Variants in CFAP20DC observed in about 807,000 individuals in gnomAD.
The protein encoded by CFAP20DC is protein CFAP20DC.
Under a neutral mutation model 101.7 loss-of-function variants are expected in CFAP20DC, and 84 were observed. The ratio of observed to expected loss-of-function variants is 0.83; its 90% CI spans 0.69 to 0.99. The LOEUF (loss-of-function observed/expected upper bound fraction) is 0.99. CFAP20DC is among the 50% of genes least tolerant of loss of function. The pLI is 0.00. For synonymous variants in CFAP20DC, 359 were observed against 351.2 expected (o/e 1.02, Z -0.25); for missense variants, 1,007 against 970.3 (o/e 1.04, Z -0.50).
In CFAP20DC at chr3:59,019,341, C is replaced by G. The variant is rs183719043; in HGVS notation, c.278+20216G>C. 9.9e-5 allele frequency among the ~76,000 whole-genome samples: 15 copies of G among 152,136 alleles called. No homozygotes were observed. In the East Asian group the frequency reaches 2.9e-3, roughly 29 times the overall value. On this transcript the variant is annotated intron_variant, in intron 4 of 16. Transcript: ENST00000482387. ...CATACAACCAGACTACATTTCCTAG[C>G]CCGCAATGCTGTTACAGGTGACGCA...
intron 6 of CFAP20DC, among the ~76,000 whole-genome samples, chr3:58,905,197 T>C (rs1025088787): frequency 6.6e-6 from 1 of 152,160 alleles, no homozygotes; most frequent in Non-Finnish European, 1.5e-5. Flanking sequence ...GTGTATCATA[T>C]CTTGCTTCAT....
At chr3:58,998,219 C>A (rs2093199231) in intron 4 of CFAP20DC, among the ~76,000 whole-genome samples, 1 of 152,068 alleles carries the variant, frequency 6.6e-6, no homozygotes, top group Non-Finnish European at 1.5e-5. Flanking sequence ...TAGGAGGGAC[C>A]CTCTCAATAC....
At chr3:58,775,693 T>C (rs1402053668) in intron 15 of CFAP20DC, among the ~76,000 whole-genome samples, 5 of 151,920 alleles carry the variant, frequency 3.3e-5, no homozygotes, top group African/African-American at 1.2e-4. Flanking sequence ...TTATATATTA[T>C]GGCAACTATA....
chr3:58,858,702 A>G (rs1223432052), intron 12 of CFAP20DC, among the ~76,000 whole-genome samples: 2 of 152,236 alleles, frequency 1.3e-5, no homozygotes, highest in South Asian at 2.1e-4. Flanking sequence ...ACACATCTGC[A>G]ATATTCAAAA....
intron 4 of CFAP20DC, among the ~76,000 whole-genome samples, chr3:58,997,101 T>C (rs2093160571): frequency 6.6e-6 from 1 of 152,254 alleles, no homozygotes; most frequent in Non-Finnish European, 1.5e-5. Flanking sequence ...TAAATTTTCA[T>C]GTCCCTGGGA....
intron 12 of CFAP20DC, among the ~76,000 whole-genome samples, chr3:58,858,638 T>C (rs895835069): frequency 6.6e-6 from 1 of 152,184 alleles, no homozygotes; most frequent in Non-Finnish European, 1.5e-5. Context: ...AGTTTTAAAT[T>C]CAATCCACCA....
intron 15 of CFAP20DC, among the ~76,000 whole-genome samples, chr3:58,760,385 G>A (rs1157094309): frequency 1.3e-5 from 2 of 152,182 alleles, no homozygotes; most frequent in Admixed American, 1.3e-4. Flanking sequence ...CATCGATTTT[G>A]TATCCTGAGA....
rs898225675 is a variant in CFAP20DC at position 58,952,687 on chromosome 3, TA to T, written c.279-14926del. 4.6e-3 allele frequency among the ~76,000 whole-genome samples: 691 copies of T among 149,224 alleles called. 4 individuals are homozygous for T. Among genetic ancestry groups the T allele is most frequent in the African/African-American group, 0.016 (670 of 40,764 alleles). Reference sequence around the variant, plus strand: ...TATTCTGCTCCAGTGAGTCTTGATTTAAAAAAAAAAGTGTGGGCGTCAGGCT... The same window carrying T: ...TATTCTGCTCCAGTGAGTCTTGATTTAAAAAAAAAGTGTGGGCGTCAGGCT... On this transcript the variant is annotated intron_variant, in intron 4 of 16. Transcript: ENST00000482387.
chr3:59,010,800 T>C (rs1356977619), intron 4 of CFAP20DC, among the ~76,000 whole-genome samples: 2 of 152,096 alleles, frequency 1.3e-5, no homozygotes, highest in East Asian at 3.9e-4. Flanking sequence ...AGAAACACCA[T>C]ATAATAGGCC....
chr3:59,003,171 A>G (rs2093353637), intron 4 of CFAP20DC, among the ~76,000 whole-genome samples: 2 of 152,210 alleles, frequency 1.3e-5, no homozygotes, highest in Admixed American at 1.3e-4. Flanking sequence ...ATCTGAAGGT[A>G]GATATTTGTT....
At position 58,725,184 on chromosome 3, in the gene CFAP20DC, A is replaced by C. The variant is rs527442943; in HGVS notation, c.198-7556T>G. On this transcript the variant is annotated intron_variant, in intron 3 of 3. Coordinates refer to the CFAP20DC transcript ENST00000486145. ...TCTTTCTACCATGTCCTTTATGTGCAAGGAAGGCAGATCAGTGAAAGTTCC... is the reference window on the plus strand; with the variant it reads ...TCTTTCTACCATGTCCTTTATGTGCCAGGAAGGCAGATCAGTGAAAGTTCC... 4.6e-5 allele frequency among the ~76,000 whole-genome samples: 7 copies of C among 152,284 alleles called. No homozygotes were observed. In the South Asian group the frequency reaches 1.5e-3, roughly 32 times the overall value.
rs2093444873 is a variant in CFAP20DC, at chr3:59,006,813, A to C, written c.278+32744T>G. ...TTTCAACTGGACACAAGCTTTCTTG[A>C]TCAGAATCTGGGTGGGGAGCAAATG... On this transcript the variant is annotated intron_variant, in intron 4 of 16. Transcript: ENST00000482387. The surrounding 1 kb of genome is among the most constrained non-coding windows in gnomAD (Gnocchi z 4.3). Among the ~76,000 whole-genome samples, 1 of 152,154 alleles carries C rather than the reference A, an allele frequency of 6.6e-6. No homozygotes were observed. Among genetic ancestry groups the C allele is most frequent in the Non-Finnish European group, 1.5e-5 (1 of 68,020 alleles).
Position 58,788,144 on chromosome 3 carries a change from TAAA to T in CFAP20DC, c.2237+18248_2237+18250del, listed in dbSNP as rs542429709. Among the ~76,000 whole-genome samples the T allele has an allele frequency of 7.2e-6, 1 of 138,716 alleles. No homozygotes were observed. Among genetic ancestry groups the T allele is most frequent in the Non-Finnish European group, 1.6e-5 (1 of 63,564 alleles). The allele number at this position is 138,716 out of a possible 152,430, so 91.0% of individuals were successfully genotyped here. A position where few individuals can be genotyped will look rare whatever the true frequency, so the allele number is the denominator to read the frequency against. On this transcript the variant is annotated intron_variant, in intron 15 of 16. Coordinates refer to ENST00000482387, the MANE Select transcript of CFAP20DC (RefSeq NM_001394063.1). The surrounding 1 kb of genome is among the most constrained non-coding windows in gnomAD (Gnocchi z 4.2). ...TTGTCCCAGAACTTAAAGTACAATTTAAAAAAAAAAAAGAGGAAGAAAACACTA... is the reference window on the plus strand; with the variant it reads ...TTGTCCCAGAACTTAAAGTACAATTTAAAAAAAAAGAGGAAGAAAACACTA...
At position 58,874,543 on chromosome 3, in the gene CFAP20DC, GT is replaced by G. The variant is rs1357385696; in HGVS notation, c.716-4235del. Among the ~76,000 whole-genome samples, 1 of 151,984 alleles carries G rather than the reference GT, an allele frequency of 6.6e-6. No homozygotes were observed. Among genetic ancestry groups the G allele is most frequent in the African/African-American group, 2.4e-5 (1 of 41,382 alleles). On this transcript the variant is annotated intron_variant, in intron 7 of 16. Coordinates refer to ENST00000482387, the MANE Select transcript of CFAP20DC (RefSeq NM_001394063.1). This position sits in a 1 kb window ranked among gnomAD's most constrained non-coding sequence, Gnocchi z 5.1. ...CATGTCTGAGTATCTTACACCTCTC[GT>G]TTTCTGCCCTCTCGGTAGACGGGCC...
chr3:58,925,837 G>A (rs961301526), intron 5 of CFAP20DC, among the ~76,000 whole-genome samples: 11 of 152,294 alleles, frequency 7.2e-5, no homozygotes, highest in Admixed American at 6.5e-4. Context: ...TAGCTCCAGA[G>A]GTCACATGTT....
intron 4 of CFAP20DC, among the ~76,000 whole-genome samples, chr3:59,022,407 C>A (rs2093819206): frequency 6.6e-6 from 1 of 151,970 alleles, no homozygotes; most frequent in Admixed American, 6.6e-5. Flanking sequence ...GAGAATTGAG[C>A]TGCCAAAGCT....
chr3:58,992,215 T>C (rs2092962502), intron 4 of CFAP20DC, among the ~76,000 whole-genome samples: 1 of 152,332 alleles, frequency 6.6e-6, no homozygotes, highest in Admixed American at 6.5e-5. Flanking sequence ...ATCACTAATT[T>C]ACCCAGTGCG....
Position 58,763,325 on chromosome 3 carries a change from C to G in CFAP20DC, c.2238-9462G>C, listed in dbSNP as rs185136359. Among the ~76,000 whole-genome samples the G allele has an allele frequency of 6.6e-5, 10 of 152,282 alleles. No homozygotes were observed. In the East Asian group the frequency reaches 1.9e-3, roughly 29 times the overall value. On this transcript the variant is annotated intron_variant, in intron 15 of 16. Coordinates refer to ENST00000482387, the MANE Select transcript of CFAP20DC (RefSeq NM_001394063.1). ...ACTGACACCCTTTCTTCCAGTTGATCGAATCGGCTACTGAGGCTTGTGTAT... is the reference window on the plus strand; with the variant it reads ...ACTGACACCCTTTCTTCCAGTTGATGGAATCGGCTACTGAGGCTTGTGTAT...
chr3:58,976,267 G>A (rs2092270271), intron 4 of CFAP20DC, among the ~76,000 whole-genome samples: 1 of 152,192 alleles, frequency 6.6e-6, no homozygotes, highest in African/African-American at 2.4e-5. Flanking sequence ...ATTCTGGAAG[G>A]AGGCAAAAGT....
Sources: gnomAD v4.1 joint callset for allele counts (sites outside exome capture counted in the v4.1 genomes callset) on GRCh38, gnomAD v4.1.1 for gene constraint, Gnocchi (gnomAD v3.1) non-coding constraint, MANE v1.5 for transcripts, NCBI Gene and HGNC (gene_info 2026-07-23, HGNC 2026-07-21) for gene names.